AFG1L: variants seen among roughly 807,000 people sequenced by gnomAD.
AFG1L encodes the protein AFG1-like ATPase.
AFG1L carries 53 observed loss-of-function variants against 62.2 expected under a neutral mutation model. The observed-to-expected ratio is 0.85, with a 90% confidence interval of 0.68 to 1.07. AFG1L has a LOEUF of 1.07. AFG1L is among the 50% of genes least tolerant of loss of function. The probability of loss-of-function intolerance (pLI) is 0.00; values close to 1 mark genes in which losing one functional copy is unlikely to be tolerated. For synonymous variants in AFG1L, 228 were observed against 210.3 expected, an observed-to-expected ratio of 1.08 and a Z score of -0.73; for missense variants, 555 against 590.5, an observed-to-expected ratio of 0.94 and a Z score of 0.62.
chr6:108,295,070 G>A lies in AFG1L; in HGVS notation c.-10G>A, dbSNP rs1210792336. On this transcript the variant is annotated 5_prime_UTR_variant, in exon 1 of 13. Transcript: ENST00000368977. The stretch of plus-strand genomic sequence containing the variant: ...AGTTTTCCTCTTCCTCTCCTCGTAC[G>A]GAGTTCAAGATGGCGGCCTCCTGGT... 2 of 1,610,448 alleles carry A rather than the reference G, an allele frequency of 1.2e-6. No homozygotes were observed. Among genetic ancestry groups the A allele is most frequent in the Non-Finnish European group, 1.7e-6 (2 of 1,180,002 alleles).
At chr6:108,521,075 A>G (rs1057022817) in intron 12 of AFG1L, 6 of 152,266 alleles carry the variant, frequency 3.9e-5, no homozygotes, top group Admixed American at 2.0e-4. Context: ...TCTAACCTAG[A>G]ACAGTTTCAT....
intron 1 of AFG1L, among the ~76,000 whole-genome samples, chr6:108,319,162 C>A (rs1251810268): frequency 1.3e-5 from 2 of 152,170 alleles, no homozygotes; most frequent in Non-Finnish European, 2.9e-5. Flanking sequence ...TCTCCAAAGG[C>A]AGATGCCAAG....
At chr6:108,489,207 C>A (rs1474447457) in intron 10 of AFG1L, among the ~76,000 whole-genome samples, 1 of 152,088 alleles carries the variant, frequency 6.6e-6, no homozygotes, top group Non-Finnish European at 1.5e-5. Flanking sequence ...CAGAGAAGAG[C>A]AAATCAGTGA....
At chr6:108,350,934 C>G (rs1360958895) in intron 3 of AFG1L, among the ~76,000 whole-genome samples, 1 of 152,190 alleles carries the variant, frequency 6.6e-6, no homozygotes, top group Non-Finnish European at 1.5e-5. Context: ...CACACCTAGG[C>G]TGTATTATAG....
At chr6:108,401,690 T>C (rs1781624059) in intron 6 of AFG1L, among the ~76,000 whole-genome samples, 1 of 152,204 alleles carries the variant, frequency 6.6e-6, no homozygotes, top group African/African-American at 2.4e-5. Flanking sequence ...TCTTCTCATA[T>C]TGGGTTATTG....
intron 6 of AFG1L, among the ~76,000 whole-genome samples, chr6:108,393,596 C>T (rs549787285): frequency 6.6e-6 from 1 of 152,176 alleles, no homozygotes; most frequent in East Asian, 1.9e-4. Context: ...AAGAATATTA[C>T]AAGTGGGTCT....
intron 5 of AFG1L, among the ~76,000 whole-genome samples, chr6:108,365,944 TG>T (rs1779740041): frequency 6.6e-6 from 1 of 152,098 alleles, no homozygotes. Context: ...ACTTCCTAAA[TG>T]TTTAGGACAA....
chr6:108,415,694 G>C (rs1381421069), intron 7 of AFG1L, among the ~76,000 whole-genome samples: 1 of 152,162 alleles, frequency 6.6e-6, no homozygotes, highest in Non-Finnish European at 1.5e-5. Context: ...TTAATAAATG[G>C]TGCTGGGAAA....
intron 6 of AFG1L, among the ~76,000 whole-genome samples, chr6:108,390,723 G>A (rs1221303800): frequency 6.6e-6 from 1 of 152,174 alleles, no homozygotes; most frequent in East Asian, 1.9e-4. Flanking sequence ...TCATTCCTCT[G>A]GAAGCTTCGT....
chr6:108,392,333 A>T (rs1781093703), intron 6 of AFG1L, among the ~76,000 whole-genome samples: 2 of 152,194 alleles, frequency 1.3e-5, no homozygotes, highest in South Asian at 2.1e-4. Flanking sequence ...CAAAATTATT[A>T]AAAATATTGT....
At chr6:108,302,494 G>A (rs547769740) in intron 1 of AFG1L, among the ~76,000 whole-genome samples, 2 of 152,028 alleles carry the variant, frequency 1.3e-5, no homozygotes, top group African/African-American at 4.8e-5. Flanking sequence ...GCCCAGCCAT[G>A]GGTTTGTACC....
chr6:108,304,187 G>T (rs1023111297), intron 1 of AFG1L, among the ~76,000 whole-genome samples: 1 of 152,102 alleles, frequency 6.6e-6, no homozygotes, highest in Non-Finnish European at 1.5e-5. Flanking sequence ...AAATCATCTT[G>T]CAGTGCATTC....
chr6:108,412,874 C>T (rs1471353625), intron 7 of AFG1L, among the ~76,000 whole-genome samples: 3 of 152,124 alleles, frequency 2.0e-5, no homozygotes, highest in Admixed American at 6.5e-5. Flanking sequence ...GCAAAATAAC[C>T]AGCTAACATC....
At chr6:108,330,575 A>T (rs113725046) in intron 2 of AFG1L, among the ~76,000 whole-genome samples, 7 of 152,140 alleles carry the variant, frequency 4.6e-5, no homozygotes, top group Admixed American at 4.6e-4. Context: ...ACATTGTTGA[A>T]AGAAGAGTGG....
chr6:108,500,104 A>G (rs999185056), intron 10 of AFG1L, among the ~76,000 whole-genome samples: 1 of 151,614 alleles, frequency 6.6e-6, no homozygotes, highest in Non-Finnish European at 1.5e-5. Context: ...CTCCAGCTGC[A>G]TCCATGTTGC....
At chr6:108,385,747 G>A (rs1780735411) in intron 6 of AFG1L, among the ~76,000 whole-genome samples, 1 of 152,128 alleles carries the variant, frequency 6.6e-6, no homozygotes, top group African/African-American at 2.4e-5. Context: ...AGAAACTTTG[G>A]AGCTCAGAGA....
At chr6:108,322,472 A>T (rs1777852063) in intron 1 of AFG1L, among the ~76,000 whole-genome samples, 3 of 152,148 alleles carry the variant, frequency 2.0e-5, no homozygotes, top group Admixed American at 2.0e-4. Context: ...CTCATATCCC[A>T]TTGTTAGAAC....
chr6:108,477,358 C>T (rs1240260838), intron 10 of AFG1L, 66 bp downstream of exon 10: 10 of 888,674 alleles, frequency 1.1e-5, no homozygotes, highest in Non-Finnish European at 1.7e-5. Flanking sequence ...GTGTTTTCCT[C>T]TCTGCCCATT....
intron 8 of AFG1L, among the ~76,000 whole-genome samples, chr6:108,475,321 G>A (rs374067846): frequency 5.7e-4 from 87 of 152,266 alleles, no homozygotes; most frequent in Admixed American, 2.5e-3. Context: ...GTTTGCTAGC[G>A]TGATGCCTCC....
Sources: allele counts gnomAD v4.1 joint callset (sites outside exome capture counted in the v4.1 genomes callset), GRCh38; gene constraint gnomAD v4.1.1; transcripts MANE v1.5; gene names NCBI Gene and HGNC (gene_info 2026-07-23, HGNC 2026-07-21).